Variants in ANKS1A observed in about 807,000 individuals in gnomAD.
The protein encoded by ANKS1A is ankyrin repeat and SAM domain-containing protein 1A.
A neutral mutation model predicts 120.3 loss-of-function variants in ANKS1A; 55 were observed. The ratio of observed to expected loss-of-function variants is 0.46; its 90% CI spans 0.37 to 0.57. ANKS1A has a LOEUF of 0.57. ANKS1A is among the 20% of genes least tolerant of loss of function. The pLI is 0.00. For missense variants in ANKS1A, 1,123 were observed against 1,480.3 expected (o/e 0.76, Z 3.96); for synonymous variants, 590 against 604.7 (o/e 0.98, Z 0.36).
intron 1 of ANKS1A, among the ~76,000 whole-genome samples, chr6:34,923,712 T>C (rs535999720): frequency 6.6e-6 from 1 of 152,290 alleles, no homozygotes; most frequent in African/African-American, 2.4e-5. Flanking sequence ...ATGGGGGAGA[T>C]AGAGCCTGAG....
chr6:35,094,666 G>C (rs1778405000), downstream of ANKS1A, among the ~76,000 whole-genome samples: 1 of 152,162 alleles, frequency 6.6e-6, no homozygotes, highest in Non-Finnish European at 1.5e-5. Flanking sequence ...GGGCTTAAGA[G>C]TGGAGTGGAT....
intron 9 of ANKS1A, among the ~76,000 whole-genome samples, chr6:34,990,342 CTTA>C (rs1342677780): frequency 6.6e-6 from 1 of 152,080 alleles, no homozygotes. Context: ...TTACAAAATG[CTTA>C]TTATAATGTC....
rs1451730051 is a variant in ANKS1A at position 34,994,275 on chromosome 6, G to T, written c.1303-27G>T. On this transcript the variant is annotated intron_variant, in intron 9 of 23. Transcript: ENST00000360359. ...GTCTTGGTATTAGCCACATGCACAA[G>T]ATACACTGGATGTTTCTCTCCCTTA... 5 of 1,610,440 alleles carry T rather than the reference G, an allele frequency of 3.1e-6. No homozygotes were observed. The African/African-American group carries it at 5.3e-5, about 17-fold the overall frequency.
intron 1 of ANKS1A, among the ~76,000 whole-genome samples, chr6:34,938,270 A>C (rs1207450319): frequency 1.3e-5 from 2 of 152,234 alleles, no homozygotes; most frequent in African/African-American, 4.8e-5. Flanking sequence ...ACTGGCCCTA[A>C]AAAATCAATC....
At chr6:35,027,757 C>G (rs1202682780) in intron 11 of ANKS1A, among the ~76,000 whole-genome samples, 1 of 152,178 alleles carries the variant, frequency 6.6e-6, no homozygotes, top group Non-Finnish European at 1.5e-5. Flanking sequence ...CGACTACCCT[C>G]CCTGCCTAGG....
intron 13 of ANKS1A, among the ~76,000 whole-genome samples, chr6:35,074,886 C>T (rs774135649): frequency 1.3e-5 from 2 of 152,206 alleles, no homozygotes; most frequent in Non-Finnish European, 2.9e-5. Context: ...GGGAGACTCC[C>T]GTGGCCAGCA....
intron 11 of ANKS1A, among the ~76,000 whole-genome samples, chr6:35,019,581 T>C (rs529323947): frequency 6.6e-6 from 1 of 152,184 alleles, no homozygotes; most frequent in African/African-American, 2.4e-5. Flanking sequence ...GCCTGGCCAC[T>C]TGTGGAAAGT....
At chr6:35,012,329 T>C (rs1163488748) in intron 10 of ANKS1A, among the ~76,000 whole-genome samples, 1 of 152,226 alleles carries the variant, frequency 6.6e-6, no homozygotes, top group Non-Finnish European at 1.5e-5. Flanking sequence ...AATTGCAGTC[T>C]TCAGCAAGTG....
intron 9 of ANKS1A, among the ~76,000 whole-genome samples, chr6:34,991,925 G>A (rs767437965): frequency 2.6e-5 from 4 of 151,470 alleles, no homozygotes; most frequent in African/African-American, 4.8e-5. Context: ...AGTTATTGCC[G>A]TATTGACTAT....
intron 3 of ANKS1A, among the ~76,000 whole-genome samples, chr6:34,978,574 G>A (rs1242832619): frequency 2.8e-4 from 43 of 152,114 alleles, no homozygotes; most frequent in Non-Finnish European, 2.9e-5. Flanking sequence ...GGGAGGCCGA[G>A]GCGGGCAGAT....
chr6:34,985,146 T>G lies in ANKS1A; in HGVS notation c.1077T>G (p.Gly359=). 6.2e-7 allele frequency: 1 copy of G among 1,613,948 alleles called. No individual in the cohort carries two copies. The highest frequency in any genetic ancestry group is 8.5e-7 in the Non-Finnish European group (1 of 1,179,996). Residue 359 remains glycine, a synonymous_variant, in exon 8 of 24, where the codon GGT becomes GGG. Transcript: ENST00000360359. The part of the protein sequence containing the change: ...IDFDANAEEE[G]PYEALYNAIS... ...TTGATGCAAATGCTGAAGAAGAGGG[T>G]CCCTACGAAGCTCTGTATAATGCCA...
chr6:34,984,023 T>A (rs759122116), intron 7 of ANKS1A, among the ~76,000 whole-genome samples: 1 of 152,110 alleles, frequency 6.6e-6, no homozygotes, highest in Non-Finnish European at 1.5e-5. Flanking sequence ...CTCGAACTCC[T>A]GACCTTGAGA....
intron 11 of ANKS1A, among the ~76,000 whole-genome samples, chr6:35,053,063 G>T (rs972019380): frequency 1.2e-4 from 19 of 152,238 alleles, no homozygotes; most frequent in Admixed American, 6.5e-4. Context: ...CAGATGCACG[G>T]CTTTGTCTGC....
intron 10 of ANKS1A, among the ~76,000 whole-genome samples, chr6:35,013,812 G>A (rs2127555163): frequency 6.6e-6 from 1 of 152,326 alleles, no homozygotes; most frequent in South Asian, 2.1e-4. Context: ...ATCTTACAGA[G>A]TACTTTCATG....
chr6:34,954,898 T>A (rs999125981), intron 1 of ANKS1A, among the ~76,000 whole-genome samples: 39 of 152,148 alleles, frequency 2.6e-4, no homozygotes, highest in African/African-American at 8.0e-4. Flanking sequence ...TATTTTAAAA[T>A]TTTAAACATC....
At chr6:34,934,458 A>G (rs1362957273) in intron 1 of ANKS1A, among the ~76,000 whole-genome samples, 1 of 152,174 alleles carries the variant, frequency 6.6e-6, no homozygotes, top group Non-Finnish European at 1.5e-5. Flanking sequence ...ACCCCCAGGT[A>G]CTTTATAACA....
chr6:35,013,385 C>T (rs1029662011), intron 10 of ANKS1A, among the ~76,000 whole-genome samples: 6 of 152,124 alleles, frequency 3.9e-5, no homozygotes, highest in Admixed American at 1.3e-4. Flanking sequence ...GCCTTGAATT[C>T]CTGGACTCAA....
At chr6:35,076,697 C>T (rs1281713185) in intron 13 of ANKS1A, among the ~76,000 whole-genome samples, 2 of 152,124 alleles carry the variant, frequency 1.3e-5, no homozygotes, top group African/African-American at 2.4e-5. Context: ...GGCGTGATCT[C>T]GGCTCACTGT....
At chr6:35,075,620 T>A (rs1777309996) in intron 13 of ANKS1A, among the ~76,000 whole-genome samples, 1 of 152,102 alleles carries the variant, frequency 6.6e-6, no homozygotes, top group African/African-American at 2.4e-5. Context: ...TTCACCGTGT[T>A]GGTCAGGCTG....
Sources: gnomAD v4.1 joint callset for allele counts (sites outside exome capture counted in the v4.1 genomes callset) on GRCh38, gnomAD v4.1.1 for gene constraint, MANE v1.5 for transcripts, NCBI Gene and HGNC (gene_info 2026-07-23, HGNC 2026-07-21) for gene names.